Variants in LRMDA observed in about 807,000 individuals in gnomAD.
The protein encoded by LRMDA is leucine rich melanocyte differentiation associated.
LRMDA carries 18 observed loss-of-function variants against 29.8 expected under a neutral mutation model. The ratio of observed to expected loss-of-function variants is 0.60; its 90% CI spans 0.42 to 0.90. The LOEUF (loss-of-function observed/expected upper bound fraction) is 0.90, where lower values mean the gene tolerates loss of function less well. Among genes scored for constraint, LRMDA ranks in the 40% least tolerant of loss-of-function variants. LRMDA has a pLI of 0.00. For synonymous variants in LRMDA, 125 were observed against 109.4 expected, an observed-to-expected ratio of 1.14 and a Z score of -0.89; for missense variants, 273 against 273.9, an observed-to-expected ratio of 1.00 and a Z score of 0.02.
intron 2 of LRMDA, among the ~76,000 whole-genome samples, chr10:75,562,003 T>C (rs1323800862): frequency 2.6e-5 from 4 of 152,080 alleles, no homozygotes; most frequent in Admixed American, 6.5e-5. Flanking sequence ...AAAATGTATA[T>C]TCTGTTGATT....
chr10:75,976,515 A>G (rs564422103), intron 2 of LRMDA, among the ~76,000 whole-genome samples: 1 of 152,240 alleles, frequency 6.6e-6, no homozygotes, highest in Non-Finnish European at 1.5e-5. Flanking sequence ...TATAAACTCC[A>G]TGAGCCAGGG....
chr10:76,279,995 G>A (rs982728459), intron 5 of LRMDA, among the ~76,000 whole-genome samples: 1 of 152,192 alleles, frequency 6.6e-6, no homozygotes, highest in Non-Finnish European at 1.5e-5. Context: ...GTGAGTGAGT[G>A]TGTGTGGCAG....
At chr10:75,621,587 G>A (rs1841187047) in intron 2 of LRMDA, among the ~76,000 whole-genome samples, 1 of 152,150 alleles carries the variant, frequency 6.6e-6, no homozygotes, top group Non-Finnish European at 1.5e-5. Flanking sequence ...CAGTCACTGG[G>A]CACATACCAG....
At chr10:75,708,232 C>T (rs190093931) in intron 2 of LRMDA, among the ~76,000 whole-genome samples, 4 of 152,312 alleles carry the variant, frequency 2.6e-5, no homozygotes, top group Admixed American at 6.5e-5. Flanking sequence ...TGCTCCACCA[C>T]GCAGGATGAA....
chr10:76,240,818 A>G (rs199792767), intron 5 of LRMDA, among the ~76,000 whole-genome samples: 5 of 23,334 alleles, frequency 2.1e-4, no homozygotes, highest in African/African-American at 2.9e-4. Flanking sequence ...ATATATATGT[A>G]TATATATACA....
At position 76,324,386 on chromosome 10, in the gene LRMDA, G is replaced by T; in HGVS notation, c.517-15G>T. 2 of 1,613,526 alleles carry T rather than the reference G, an allele frequency of 1.2e-6. No individual in the cohort carries two copies. The highest frequency in any genetic ancestry group is 2.2e-5 in the South Asian group (2 of 91,054). ...TTTGGTGTTGCTTCATGTTGACTTT[G>T]CTTTTGTCACACAGGCTTCTAGTGA... On this transcript the variant is annotated splice_polypyrimidine_tract_variant and intron_variant, in intron 5 of 6. Coordinates refer to ENST00000611255, the MANE Select transcript of LRMDA (RefSeq NM_001305581.2).
Position 75,863,528 on chromosome 10 carries a change from G to A in LRMDA, c.132-172480G>A, listed in dbSNP as rs192580440. Among the ~76,000 whole-genome samples, 68 of 152,198 alleles carry A rather than the reference G, an allele frequency of 4.5e-4. 1 individual carries two copies. The highest frequency in any genetic ancestry group is 1.3e-3 in the Admixed American group (20 of 15,288). ...TCAGGTCCTAGCTGTACTGCCTACC[G>A]GCTGTGTGGCCTAGGTCAAGGTATT... On this transcript the variant is annotated intron_variant, in intron 2 of 6. Transcript: ENST00000611255.
intron 2 of LRMDA, among the ~76,000 whole-genome samples, chr10:75,579,348 T>C (rs1840556145): frequency 6.6e-6 from 1 of 152,244 alleles, no homozygotes; most frequent in South Asian, 2.1e-4. Context: ...CCTGGACACA[T>C]ACACCCTCCC....
chr10:75,587,344 T>C (rs1163184009), intron 2 of LRMDA, among the ~76,000 whole-genome samples: 3 of 152,192 alleles, frequency 2.0e-5, no homozygotes, highest in African/African-American at 4.8e-5. Context: ...TGTTTGTTTT[T>C]GTTTTTGTTT....
chr10:75,495,244 C>G (rs1246907174), intron 2 of LRMDA, among the ~76,000 whole-genome samples: 1 of 152,090 alleles, frequency 6.6e-6, no homozygotes, highest in Non-Finnish European at 1.5e-5. Flanking sequence ...GTCTCCTTCT[C>G]CCTCTCTCCC....
At chr10:76,384,168 G>T (rs1278567332) in intron 6 of LRMDA, among the ~76,000 whole-genome samples, 1 of 152,036 alleles carries the variant, frequency 6.6e-6, no homozygotes, top group Non-Finnish European at 1.5e-5. Context: ...TTTGACTGAG[G>T]GTAGCATGAC....
chr10:75,468,004 T>G (rs1234807022), intron 2 of LRMDA, among the ~76,000 whole-genome samples: 1 of 108,952 alleles, frequency 9.2e-6, no homozygotes, highest in Non-Finnish European at 1.9e-5. Context: ...ACACACAAAG[T>G]CGCAAAGTAT....
At chr10:75,734,392 G>A (rs1445597709) in intron 2 of LRMDA, among the ~76,000 whole-genome samples, 1 of 152,084 alleles carries the variant, frequency 6.6e-6, no homozygotes, top group East Asian at 1.9e-4. Flanking sequence ...CCTCTGAGGA[G>A]GAGTGAAAAG....
At chr10:75,965,572 G>A (rs530574098) in intron 2 of LRMDA, among the ~76,000 whole-genome samples, 2 of 152,090 alleles carry the variant, frequency 1.3e-5, no homozygotes, top group African/African-American at 4.8e-5. Context: ...CTCCACTAGT[G>A]AATTTGAAGG....
intron 5 of LRMDA, among the ~76,000 whole-genome samples, chr10:76,236,985 A>G (rs1275004418): frequency 6.6e-6 from 1 of 152,216 alleles, no homozygotes; most frequent in Non-Finnish European, 1.5e-5. Flanking sequence ...CAATAATGTG[A>G]CATGAAAATA....
At chr10:75,525,453 A>G (rs1215952189) in intron 2 of LRMDA, among the ~76,000 whole-genome samples, 1 of 152,172 alleles carries the variant, frequency 6.6e-6, no homozygotes, top group African/African-American at 2.4e-5. Flanking sequence ...CTGGTAATGA[A>G]AATGCCCAGG....
chr10:75,577,862 C>T (rs9416075), intron 2 of LRMDA, among the ~76,000 whole-genome samples: 1 of 151,844 alleles, frequency 6.6e-6, no homozygotes, highest in Non-Finnish European at 1.5e-5. Flanking sequence ...ACCACTAGGC[C>T]TGCCTTACAA....
intron 2 of LRMDA, among the ~76,000 whole-genome samples, chr10:75,578,223 A>AAAAAAAAAAAAAAAAAAC: frequency 1.4e-5 from 2 of 139,820 alleles, no homozygotes; most frequent in Non-Finnish European, 1.6e-5. Context: ...AGCAAAAAAA[A>AAAAAAAAAAAAAAAAAAC]AAAAAAAAAA....
chr10:75,846,882 C>G (rs897095515), intron 2 of LRMDA, among the ~76,000 whole-genome samples: 1 of 151,782 alleles, frequency 6.6e-6, no homozygotes, highest in African/African-American at 2.4e-5. Context: ...GGAAAGATAC[C>G]CTATGTACAT....
Sources: allele counts gnomAD v4.1 joint callset (sites outside exome capture counted in the v4.1 genomes callset), GRCh38; gene constraint gnomAD v4.1.1; transcripts MANE v1.5; gene names NCBI Gene and HGNC (gene_info 2026-07-23, HGNC 2026-07-21).